Variants in OR5B2 observed in about 807,000 individuals in gnomAD.
The protein encoded by OR5B2 is olfactory receptor family 5 subfamily B member 2.
For synonymous variants in OR5B2, 163 were observed against 140.8 expected (o/e 1.16, Z -1.11); for missense variants, 411 against 367.0 (o/e 1.12, Z -0.98).
At position 58,422,141 on chromosome 11, in the gene OR5B2, C is replaced by T; in HGVS notation, c.*191G>A. 1 of 446,720 alleles carries T rather than the reference C, an allele frequency of 2.2e-6. No individual in the cohort carries two copies. Among genetic ancestry groups the T allele is most frequent in the Non-Finnish European group, 3.9e-6 (1 of 253,630 alleles). 27.7% of individuals were successfully genotyped at this position (446,720 alleles called of 1,614,324 possible). ...AAAAATTCTAACATTTCCATTTAGC[C>T]TTCCTCATTCAGGTATTACATTTCT... On this transcript the variant is annotated 3_prime_UTR_variant, in exon 3 of 3. Transcript: ENST00000641342.
rs764715276 is a variant in OR5B2 at position 58,423,240 on chromosome 11, T to A, written c.22A>T (p.Thr8Ser). 1.8e-5 allele frequency: 29 copies of A among 1,602,272 alleles called. 1 individual carries two copies. The South Asian group carries it at 2.8e-4, about 15-fold the overall frequency. MENCTEV[T>S]KFILLGLTSV... ...GTTAGTCCTAGAAGAATGAACTTTG[T>A]CACTTCCGTACAATTCTCCATCAGT... is the stretch of plus-strand genomic sequence containing the variant. The change falls in exon 3 of 3, where the codon ACA (threonine) becomes TCA (serine). Residue 8 changes from threonine to serine, a missense_variant. Physicochemically the swap from Thr to Ser is moderately conservative, Grantham distance 58. Transcript: ENST00000641342.
chr11:58,422,875 G>C lies in OR5B2; in HGVS notation c.387C>G (p.His129Gln). ...CACTGGCCGTCATGGTGGTGGTGTA[G>C]TGTAGGGGTTTGCACACTGCTGCAT... ...DRYAAVCKPL[H>Q]YTTTMTASVG... The change falls in exon 3 of 3, where the codon CAC becomes CAG. Residue 129 changes from histidine to glutamine, a missense_variant. His to Gln is a conservative substitution (Grantham distance 24). Coordinates refer to ENST00000641342, the MANE Select transcript of OR5B2 (RefSeq NM_001005566.3). 1 of 1,613,842 alleles carries C rather than the reference G, an allele frequency of 6.2e-7. No homozygotes were observed. The highest frequency in any genetic ancestry group is 1.1e-5 in the South Asian group (1 of 91,064).
intron 2 of OR5B2, 157 bp from the exon 3 acceptor site, chr11:58,423,446 T>A (rs1855304550): frequency 6.5e-6 from 3 of 461,042 alleles, no homozygotes; most frequent in Admixed American, 7.5e-5. Context: ...TAATGCATTA[T>A]CTACAGAGTT....
chr11:58,423,953 T>C (rs1302990497), intron 2 of OR5B2, among the ~76,000 whole-genome samples: 3 of 152,138 alleles, frequency 2.0e-5, no homozygotes, highest in African/African-American at 7.2e-5. Context: ...GGTCTCAGGA[T>C]AGCTGGAGAA....
At position 58,422,200 on chromosome 11, in the gene OR5B2, C is replaced by A; in HGVS notation, c.*132G>T. 3.7e-6 allele frequency: 2 copies of A among 538,594 alleles called. No individual in the cohort carries two copies. Among genetic ancestry groups the A allele is most frequent in the Non-Finnish European group, 6.6e-6 (2 of 303,426 alleles). 33.4% of individuals were successfully genotyped at this position (538,594 alleles called of 1,614,324 possible). On this transcript the variant is annotated 3_prime_UTR_variant, in exon 3 of 3. Transcript: ENST00000641342. ...TTTATTTTTATTAAAAAATTGACTT[C>A]TAAAGAGGTAAGAATATCACCTCAT...
At chr11:58,426,550 C>T (rs558660628) in intron 2 of OR5B2, 72 bp downstream of exon 2, 1 of 152,146 alleles carries the variant, frequency 6.6e-6, no homozygotes, top group East Asian at 1.9e-4. Flanking sequence ...AATGTTTGCC[C>T]TTGAACTTTT....
Position 58,421,564 on chromosome 11 carries a change from T to TAAA in OR5B2, c.*767_*768insTTT, listed in dbSNP as rs1302523516. 6.6e-6 allele frequency: 1 copy of TAAA among 152,142 alleles called. No individual in the cohort carries two copies. Among genetic ancestry groups the TAAA allele is most frequent in the Non-Finnish European group, 1.5e-5 (1 of 67,998 alleles). 9.4% of individuals were successfully genotyped at this position (152,142 alleles called of 1,614,324 possible). On this transcript the variant is annotated 3_prime_UTR_variant, in exon 3 of 3. Coordinates refer to ENST00000641342, the MANE Select transcript of OR5B2 (RefSeq NM_001005566.3). ...GAGTAAGTAGAGCATAGAAGAGCTT[T>TAAA]AGAGCAGTGAAACTACTCAATATGA...
intron 2 of OR5B2, among the ~76,000 whole-genome samples, chr11:58,424,591 C>T (rs977318925): frequency 2.6e-5 from 4 of 151,970 alleles, no homozygotes; most frequent in South Asian, 2.1e-4. Context: ...ATGCATCGTT[C>T]GTGGGTTTCC....
chr11:58,426,987 A>G (rs141637923), intron 1 of OR5B2, among the ~76,000 whole-genome samples: 42 of 152,212 alleles, frequency 2.8e-4, no homozygotes, highest in African/African-American at 1.0e-3. Context: ...AGTGTGAAAT[A>G]AGGCCACTTA....
intron 2 of OR5B2, 156 bp from the exon 3 acceptor site, chr11:58,423,445 A>G (rs1855304531): frequency 4.3e-6 from 2 of 464,842 alleles, no homozygotes; most frequent in Non-Finnish European, 7.5e-6. Context: ...TTAATGCATT[A>G]TCTACAGAGT....
intron 2 of OR5B2, 48 bp from the exon 3 acceptor site, chr11:58,423,337 A>G: frequency 1.2e-6 from 1 of 855,292 alleles, no homozygotes; most frequent in Admixed American, 2.4e-5. Flanking sequence ...AAAAAAAGAG[A>G]TTTAGAAATA....
intron 1 of OR5B2, 132 bp downstream of exon 1, chr11:58,427,887 T>C (rs1855356417): frequency 1.3e-5 from 2 of 152,176 alleles, no homozygotes; most frequent in South Asian, 4.1e-4. Context: ...ACATGCACTC[T>C]CAGACTTAAG....
rs1333369681 is a variant in OR5B2 at position 58,422,729 on chromosome 11, T to C, written c.533A>G (p.Asp178Gly). The C allele has an allele frequency of 6.2e-7, 1 of 1,613,738 alleles. No homozygotes were observed. Among genetic ancestry groups the C allele is most frequent in the East Asian group, 2.2e-5 (1 of 44,844 alleles). The change falls in exon 3 of 3, where the codon GAT becomes GGT. Residue 178 changes from aspartate to glycine, a missense_variant. By Grantham distance (94) the Asp-to-Gly change is moderately conservative. Transcript: ENST00000641342. ...AGACAGAGCCATGACTGCTGGAACA[T>C]CACAGAAAAAGTGATGTACCAGATT... ...KSNLVHHFFC[D>G]VPAVMALSCS... is the part of the protein sequence containing the mutation.
In OR5B2 at chr11:58,422,408, G is replaced by A. The variant is rs746932166; in HGVS notation, c.854C>T (p.Pro285Leu). The A allele has an allele frequency of 3.7e-6, 6 of 1,613,640 alleles. No individual in the cohort carries two copies. Among genetic ancestry groups the A allele is most frequent in the East Asian group, 2.2e-5 (1 of 44,828 alleles). ...TCTGTTCCTCAGGCTGTAGACCACA[G>A]GGTTCAGCATGGGGATGATCATAGC... is the stretch of plus-strand genomic sequence containing the variant. ...FYAMIIPMLN[P>L]VVYSLRNREV... Residue 285 changes from proline (P) to leucine (L), a missense_variant, in exon 3 of 3, where the codon CCT becomes CTT. By Grantham distance (98) the Pro-to-Leu change is moderately conservative (BLOSUM62 -3). Transcript: ENST00000641342.
chr11:58,423,720 T>C (rs1855307363), intron 2 of OR5B2, among the ~76,000 whole-genome samples: 1 of 152,174 alleles, frequency 6.6e-6, no homozygotes, highest in Non-Finnish European at 1.5e-5. Flanking sequence ...TACATTTATT[T>C]AATTTGTGAG....
At position 58,428,107 on chromosome 11, in the gene OR5B2, C is replaced by T. The variant is rs189585184; in HGVS notation, c.-172G>A. 1 of 152,376 alleles carries T rather than the reference C, an allele frequency of 6.6e-6. No homozygotes were observed. The highest frequency in any genetic ancestry group is 6.5e-5 in the Admixed American group (1 of 15,292). The allele number at this position is 152,376 out of a possible 1,614,324, so 9.4% of individuals were successfully genotyped here. On this transcript the variant is annotated 5_prime_UTR_variant, in exon 1 of 3. Coordinates refer to ENST00000641342, the MANE Select transcript of OR5B2 (RefSeq NM_001005566.3). ...GTGGACAATGGAATTGGGAATCCAC[C>T]TTGCAGGACAAGACCAGGAGGGTTT...
Position 58,422,805 on chromosome 11 carries a change from T to C in OR5B2, c.457A>G (p.Asn153Asp). The C allele has an allele frequency of 6.2e-7, 1 of 1,613,652 alleles. No homozygotes were observed. The highest frequency in any genetic ancestry group is 8.5e-7 in the Non-Finnish European group (1 of 1,179,856). Residue 153 changes from asparagine (N) to aspartate (D), a missense_variant, in exon 3 of 3, where the codon AAT becomes GAT. Transcript: ENST00000641342. ...ATGCCCCCAATGTGGAATGAGGCAT[T>C]TAGGAAGCCACAGACATATGAGCCT... Reference protein sequence around the residue: ...ALGSYVCGFLNASFHIGGIFS... With the variant: ...ALGSYVCGFLDASFHIGGIFS...
chr11:58,422,854 G>A lies in OR5B2; in HGVS notation c.408C>T (p.Ala136=), dbSNP rs761803142. 29 of 1,613,684 alleles carry A rather than the reference G, an allele frequency of 1.8e-5. No individual in the cohort carries two copies. The highest frequency in any genetic ancestry group is 2.3e-5 in the Non-Finnish European group (27 of 1,179,844). The stretch of plus-strand genomic sequence containing the variant: ...CTAGGGCCAGACAGGCACCTACACT[G>A]GCCGTCATGGTGGTGGTGTAGTGTA... ...KPLHYTTTMT[A]SVGACLALGS... Residue 136 remains alanine (A), a synonymous_variant, in exon 3 of 3, where the codon GCC becomes GCT. Transcript: ENST00000641342.
At chr11:58,423,728 G>A (rs1855307472) in intron 2 of OR5B2, among the ~76,000 whole-genome samples, 1 of 152,082 alleles carries the variant, frequency 6.6e-6, no homozygotes, top group African/African-American at 2.4e-5. Context: ...TTTAATTTGT[G>A]AGGCTCACAA....
Sources: gnomAD v4.1 joint callset for allele counts (sites outside exome capture counted in the v4.1 genomes callset) on GRCh38, gnomAD v4.1.1 for gene constraint, MANE v1.5 for transcripts, NCBI Gene and HGNC (gene_info 2026-07-23, HGNC 2026-07-21) for gene names.